GRTP1: variants seen among roughly 807,000 people sequenced by gnomAD.
The protein encoded by GRTP1 is growth hormone regulated TBC protein 1.
In GRTP1, 56 loss-of-function variants were observed where a neutral mutation model predicts 38.1. That is an observed-to-expected ratio of 1.47 (90% CI 1.19 to 1.84). The LOEUF (loss-of-function observed/expected upper bound fraction) is 1.84. Ranked by LOEUF, GRTP1 falls within the 40% of genes most tolerant of loss-of-function variation. The probability of loss-of-function intolerance (pLI) is 0.00; values close to 1 mark genes in which losing one functional copy is unlikely to be tolerated. For synonymous variants in GRTP1, 217 were observed against 189.5 expected, an observed-to-expected ratio of 1.14 and a Z score of -1.19; for missense variants, 506 against 453.9, an observed-to-expected ratio of 1.11 and a Z score of -1.04.
Position 113,337,043 on chromosome 13 carries a change from C to T in GRTP1, c.562+7820G>A, listed in dbSNP as rs149466611. Among the ~76,000 whole-genome samples the T allele has an allele frequency of 1.5e-3, 233 of 152,292 alleles. 2 individuals are homozygous for T. The highest frequency in any genetic ancestry group is 4.6e-3 in the African/African-American group (192 of 41,552). On this transcript the variant is annotated intron_variant, in intron 5 of 7. Transcript: ENST00000375431. The stretch of plus-strand genomic sequence containing the variant: ...GCGTGGTGGCTCAAGCCTGTAATCC[C>T]GGCACTTTGGAAGGCTGAGGTGGGA...
chr13:113,325,150 G>A lies in GRTP1; in HGVS notation c.921+511C>T. The stretch of plus-strand genomic sequence containing the variant: ...CGGCCAACATGGTCTTCTCTTTGAT[G>A]AAGGCCCAGCTGCTGAAATACCGCC... On this transcript the variant is annotated intron_variant, in intron 7 of 7. Coordinates refer to ENST00000375431, the MANE Select transcript of GRTP1 (RefSeq NM_024719.4). 2.9e-6 allele frequency: 3 copies of A among 1,033,816 alleles called. No homozygotes were observed. The South Asian group carries it at 1.2e-4, about 42-fold the overall frequency. 64.0% of individuals were successfully genotyped at this position (1,033,816 alleles called of 1,614,324 possible).
Position 113,349,197 on chromosome 13 carries a change from C to T in GRTP1, c.465+1652G>A, listed in dbSNP as rs982484090. Among the ~76,000 whole-genome samples the T allele has an allele frequency of 3.3e-5, 5 of 150,732 alleles. No individual in the cohort carries two copies. The highest frequency in any genetic ancestry group is 2.7e-4 in the Admixed American group (4 of 15,090). On this transcript the variant is annotated intron_variant, in intron 4 of 7. Transcript: ENST00000375431. This position sits in a 1 kb window ranked among gnomAD's most constrained non-coding sequence, Gnocchi z 5.0. ...GTGGTGTTTTTTTTTGTTTGTTTCT[C>T]GGTTTTTTTCAGACAGGGTCTTGCT... is the stretch of plus-strand genomic sequence containing the variant.
chr13:113,330,877 GTGTGC>G, intron 5 of GRTP1, among the ~76,000 whole-genome samples: 1 of 4,920 alleles, frequency 2.0e-4, no homozygotes, highest in Non-Finnish European at 4.1e-4. Flanking sequence ...AAGCCCAGGT[GTGTGC>G]ATGGAAACCC....
At chr13:113,355,000 G>A (rs2043355903) in intron 3 of GRTP1, among the ~76,000 whole-genome samples, 1 of 152,228 alleles carries the variant, frequency 6.6e-6, no homozygotes, top group Non-Finnish European at 1.5e-5. Flanking sequence ...CGAAGGCCGC[G>A]TGAACAGTGC....
intron 3 of GRTP1, among the ~76,000 whole-genome samples, chr13:113,352,938 C>T (rs929583772): frequency 2.0e-4 from 31 of 151,638 alleles, no homozygotes; most frequent in Non-Finnish European, 1.5e-5. Flanking sequence ...AATCCACACT[C>T]TGGGTAGGAG....
chr13:113,362,319 G>A (rs1337010562), intron 2 of GRTP1, among the ~76,000 whole-genome samples: 2 of 152,088 alleles, frequency 1.3e-5, no homozygotes, highest in Admixed American at 1.3e-4. Context: ...GACAGAGTGA[G>A]ACTCTGTCTC....
intron 3 of GRTP1, 43 bp downstream of exon 3, chr13:113,355,280 G>A (rs1160255357): frequency 5.6e-6 from 9 of 1,599,498 alleles, no homozygotes; most frequent in South Asian, 2.2e-5. Flanking sequence ...GGTTCCTTCC[G>A]GCCCCCGGGC....
At chr13:113,336,237 T>C (rs575718904) in intron 5 of GRTP1, among the ~76,000 whole-genome samples, 132 of 152,010 alleles carry the variant, frequency 8.7e-4, no homozygotes, top group African/African-American at 3.0e-3. Flanking sequence ...GGAGGACAGA[T>C]GCCCTTCAAC....
At chr13:113,346,125 T>C (rs1266225314) in intron 4 of GRTP1, among the ~76,000 whole-genome samples, 10 of 138,156 alleles carry the variant, frequency 7.2e-5, no homozygotes, top group African/African-American at 2.3e-4. Context: ...CGGGAGGACC[T>C]CTGTGGACAA....
At chr13:113,332,260 CACCACACACAGGT>C (rs2042882068) in intron 5 of GRTP1, among the ~76,000 whole-genome samples, 2 of 151,002 alleles carry the variant, frequency 1.3e-5, no homozygotes, top group African/African-American at 4.9e-5. Flanking sequence ...TGCACACGCA[CACCACACACAGGT>C]ACACACGTGC....
chr13:113,350,012 G>A (rs1321579480), intron 4 of GRTP1, among the ~76,000 whole-genome samples: 4 of 152,250 alleles, frequency 2.6e-5, no homozygotes, highest in South Asian at 4.1e-4. Context: ...GGTGGCAGCC[G>A]TGGGCTCCAG....
At chr13:113,334,886 G>C (rs903069831) in intron 5 of GRTP1, among the ~76,000 whole-genome samples, 1 of 152,122 alleles carries the variant, frequency 6.6e-6, no homozygotes, top group Non-Finnish European at 1.5e-5. Context: ...GCAGTGGCGC[G>C]ATCTCGGCTC....
intron 3 of GRTP1, chr13:113,351,723 G>A (rs1472217383): frequency 6.6e-6 from 1 of 152,312 alleles, no homozygotes; most frequent in Non-Finnish European, 1.5e-5. Context: ...GTTAACCCTG[G>A]ACACAAGCCG....
Position 113,364,130 on chromosome 13 carries a change from C to T in GRTP1, c.-79G>A. The stretch of plus-strand genomic sequence containing the variant: ...CGGCTCCGGGGCGCTTAAGTCCTTC[C>T]GGCGGGACCGCGGGCGCGTGGGGGC... On this transcript the variant is annotated 5_prime_UTR_variant, in exon 1 of 8. Coordinates refer to ENST00000375431, the MANE Select transcript of GRTP1 (RefSeq NM_024719.4). The T allele has an allele frequency of 9.3e-7, 1 of 1,074,022 alleles. No individual in the cohort carries two copies. Among genetic ancestry groups the T allele is most frequent in the Non-Finnish European group, 1.1e-6 (1 of 888,758 alleles). 66.5% of individuals were successfully genotyped at this position (1,074,022 alleles called of 1,614,324 possible).
At chr13:113,328,396 A>G (rs1164729690) in intron 5 of GRTP1, among the ~76,000 whole-genome samples, 1 of 152,074 alleles carries the variant, frequency 6.6e-6, no homozygotes, top group Non-Finnish European at 1.5e-5. Context: ...CTCCTACTTC[A>G]TTTCCACTCT....
In GRTP1 at chr13:113,342,155, C is replaced by G. The variant is rs1280267288; in HGVS notation, c.562+2708G>C. Among the ~76,000 whole-genome samples the G allele has an allele frequency of 6.6e-6, 1 of 152,104 alleles. No homozygotes were observed. Among genetic ancestry groups the G allele is most frequent in the South Asian group, 2.1e-4 (1 of 4,826 alleles). On this transcript the variant is annotated intron_variant, in intron 5 of 7. Transcript: ENST00000375431. The surrounding 1 kb of genome is among the most constrained non-coding windows in gnomAD (Gnocchi z 4.5). ...GTGGGGTTTTGCCATGTTGGCCAGG[C>G]TGGTCTTGAACTCCCCTAAATGCCT...
chr13:113,328,899 T>C (rs1595473652), intron 5 of GRTP1, among the ~76,000 whole-genome samples: 2 of 152,012 alleles, frequency 1.3e-5, no homozygotes, highest in Admixed American at 6.6e-5. Flanking sequence ...GACTAAATTT[T>C]CCTGATTCCC....
At chr13:113,330,909 G>A (rs71446957) in intron 5 of GRTP1, among the ~76,000 whole-genome samples, 28 of 846 alleles carry the variant, frequency 0.033, 11 homozygotes, top group South Asian at 0.1. Context: ...GTGCATGGGA[G>A]CCCGGGTGTG....
chr13:113,356,945 A>C (rs577243797), intron 2 of GRTP1, among the ~76,000 whole-genome samples: 6 of 152,324 alleles, frequency 3.9e-5, no homozygotes, highest in African/African-American at 1.4e-4. Context: ...GTGACGAATT[A>C]TACAAGGACA....
Sources: allele counts gnomAD v4.1 joint callset (sites outside exome capture counted in the v4.1 genomes callset), GRCh38; gene constraint gnomAD v4.1.1; non-coding constraint Gnocchi (gnomAD v3.1); transcripts MANE v1.5; gene names NCBI Gene and HGNC (gene_info 2026-07-23, HGNC 2026-07-21).